Variants in KRT20 observed in about 807,000 individuals in gnomAD.
KRT20 encodes the protein keratin 20, also known as keratin, type I cytoskeletal 20.
Under a neutral mutation model 43.0 loss-of-function variants are expected in KRT20, and 41 were observed. That is an observed-to-expected ratio of 0.95 (90% CI 0.74 to 1.24). The LOEUF (loss-of-function observed/expected upper bound fraction) is 1.24. Ranked by LOEUF, KRT20 falls within the 50% of genes most tolerant of loss-of-function variation. KRT20 has a pLI of 0.00. For synonymous variants in KRT20, 207 were observed against 200.6 expected, an observed-to-expected ratio of 1.03 and a Z score of -0.27; for missense variants, 533 against 521.2, an observed-to-expected ratio of 1.02 and a Z score of -0.22.
intron 2 of KRT20, among the ~76,000 whole-genome samples, 157 bp from the exon 3 acceptor site, chr17:40,880,927 A>G (rs1016207954): frequency 7.9e-5 from 12 of 152,232 alleles, no homozygotes; most frequent in Non-Finnish European, 4.4e-5. Flanking sequence ...AAATTTACAT[A>G]AGAACCTAGG....
chr17:40,879,882 C>A lies in KRT20; in HGVS notation c.849G>T (p.Glu283Asp), dbSNP rs765279504. The A allele has an allele frequency of 6.2e-7, 1 of 1,613,476 alleles. No homozygotes were observed. ...TVNTEELKGT[E>D]VQLTELRRTS... ...TGCGTCTCAGCTCCGTTAGTTGAAC[C>A]TCAGTTCCTTTTAATTCTTCAGTAT... The change falls in exon 5 of 8, where the codon GAG becomes GAT. Residue 283 changes from glutamate (E) to aspartate (D), a missense_variant. Transcript: ENST00000167588.
chr17:40,884,025 C>A (rs1341962197), intron 1 of KRT20, among the ~76,000 whole-genome samples: 2 of 152,162 alleles, frequency 1.3e-5, no homozygotes, highest in African/African-American at 4.8e-5. Flanking sequence ...TAGATAAGAA[C>A]TTTAATTTGA....
Position 40,876,046 on chromosome 17 carries a change from A to AT in KRT20, c.*314dup. On this transcript the variant is annotated 3_prime_UTR_variant, in exon 8 of 8. Transcript: ENST00000167588. Reference sequence around the variant, plus strand: ...GAAATGTATTGCAATTTTCAGGAACATTACCTACAAATTGATATTAGGTGG... The same window carrying AT: ...GAAATGTATTGCAATTTTCAGGAACATTTACCTACAAATTGATATTAGGTGG... 4.5e-6 allele frequency: 1 copy of AT among 224,204 alleles called. No individual in the cohort carries two copies. The highest frequency in any genetic ancestry group is 8.7e-6 in the Non-Finnish European group (1 of 115,534). The allele number at this position is 224,204 out of a possible 1,614,324, so 13.9% of individuals were successfully genotyped here.
intron 1 of KRT20, 66 bp downstream of exon 1, chr17:40,884,730 A>G: frequency 6.5e-7 from 1 of 1,531,550 alleles, no homozygotes; most frequent in Non-Finnish European, 8.8e-7. Flanking sequence ...CCTACCTAAC[A>G]TAGATAACCT....
intron 2 of KRT20, among the ~76,000 whole-genome samples, chr17:40,881,222 A>T (rs1258860953): frequency 8.0e-6 from 1 of 125,596 alleles, no homozygotes; most frequent in Non-Finnish European, 1.6e-5. Flanking sequence ...AATCTTACAT[A>T]CACACTGTGT....
At chr17:40,884,673 A>G (rs1358569011) in intron 1 of KRT20, 123 bp downstream of exon 1, 1 of 1,093,512 alleles carries the variant, frequency 9.1e-7, no homozygotes, top group South Asian at 1.7e-5. Flanking sequence ...AAGAATTTTT[A>G]TAGATGTAAC....
At chr17:40,880,376 A>T in intron 3 of KRT20, 115 bp from the exon 4 acceptor site, 2 of 1,016,990 alleles carry the variant, frequency 2.0e-6, no homozygotes, top group Non-Finnish European at 2.8e-6. Flanking sequence ...AGTAAAAAAG[A>T]TATAAAATAA....
At chr17:40,878,808 C>CT (rs11395499) in intron 5 of KRT20, among the ~76,000 whole-genome samples, 98,786 of 147,212 alleles carry the variant, frequency 0.67, 34,332 homozygotes, top group East Asian at 0.99. Context: ...TTTTCTTTTT[C>CT]TTTTTTTTTT....
At chr17:40,880,063 C>A in intron 4 of KRT20, 37 bp downstream of exon 4, 1 of 1,600,140 alleles carries the variant, frequency 6.2e-7, no homozygotes, top group South Asian at 1.1e-5. Flanking sequence ...AGGAAAGCAT[C>A]TACACGTTTG....
In KRT20 at chr17:40,883,059, C is replaced by T. The variant is rs147909785; in HGVS notation, c.391-405G>A. Among the ~76,000 whole-genome samples the T allele has an allele frequency of 3.2e-4, 48 of 152,150 alleles. No homozygotes were observed. The East Asian group carries it at 5.4e-3, about 17-fold the overall frequency. ...GGAGTTTACAAGGATTTAGTTTATCCCCAGCTACAGTGACTATTATGTCAA... is the reference window on the plus strand; with the variant it reads ...GGAGTTTACAAGGATTTAGTTTATCTCCAGCTACAGTGACTATTATGTCAA... On this transcript the variant is annotated intron_variant, in intron 1 of 7. Coordinates refer to ENST00000167588, the MANE Select transcript of KRT20 (RefSeq NM_019010.3).
At chr17:40,879,731 G>T in intron 5 of KRT20, 82 bp downstream of exon 5, 2 of 1,472,698 alleles carry the variant, frequency 1.4e-6, no homozygotes, top group Non-Finnish European at 9.4e-7. Context: ...TTTCTTGTAG[G>T]TCTTTGCATT....
chr17:40,879,743 C>T, intron 5 of KRT20, 70 bp downstream of exon 5: 2 of 1,559,866 alleles, frequency 1.3e-6, no homozygotes, highest in South Asian at 1.1e-5. Flanking sequence ...CTTTGCATTT[C>T]TATAGTTCCT....
At chr17:40,877,259 G>A in intron 7 of KRT20, 121 bp downstream of exon 7, 1 of 700,850 alleles carries the variant, frequency 1.4e-6, no homozygotes, top group Non-Finnish European at 2.4e-6. Context: ...CCAGTCTCAG[G>A]TATTCTGTCA....
chr17:40,881,261 G>GTGTGTC (rs1491569813), intron 2 of KRT20, among the ~76,000 whole-genome samples: 7 of 143,880 alleles, frequency 4.9e-5, no homozygotes, highest in African/African-American at 1.8e-4. Flanking sequence ...GTGTGTGTGT[G>GTGTGTC]TATTTGAGAC....
chr17:40,876,430 T>G lies in KRT20; in HGVS notation c.1206A>C (p.Thr402=). The G allele has an allele frequency of 6.2e-7, 1 of 1,612,756 alleles. No homozygotes were observed. The highest frequency in any genetic ancestry group is 8.5e-7 in the Non-Finnish European group (1 of 1,178,870). Residue 402 remains threonine (T), a synonymous_variant, in exon 8 of 8, where the codon ACA becomes ACC. Transcript: ENST00000167588. ...RDIKKTRKIK[T]VVQEVVDGKV... ...TGCCATCCACTACTTCTTGCACGAC[T>G]GTCTTAATCTTCCTGGTTTTCTTTA...
chr17:40,877,474 G>A lies in KRT20; in HGVS notation c.1140-57C>T, dbSNP rs1907400061. 4 of 1,161,622 alleles carry A rather than the reference G, an allele frequency of 3.4e-6. No homozygotes were observed. The South Asian group carries it at 4.8e-5, about 14-fold the overall frequency. 72.0% of individuals were successfully genotyped at this position (1,161,622 alleles called of 1,614,324 possible). A position where few individuals can be genotyped will look rare whatever the true frequency, so the allele number is the denominator to read the frequency against. On this transcript the variant is annotated intron_variant, in intron 6 of 7. Transcript: ENST00000167588. ...AGAAACAGAAAAAAGCATTATTGCT[G>A]TTTTGAAAATGGAATGCACTCCTGT...
In KRT20 at chr17:40,878,054, T is replaced by C. The variant is rs890961537; in HGVS notation, c.1139+91A>G. 18 of 1,091,452 alleles carry C rather than the reference T, an allele frequency of 1.6e-5. No individual in the cohort carries two copies. The African/African-American group carries it at 2.5e-4, about 15-fold the overall frequency. The allele number at this position is 1,091,452 out of a possible 1,614,324, so 67.6% of individuals were successfully genotyped here. ...AGTATAATTGCTTCTGTCCTAGGGATTGCATTGGTGCTGGGTAATGAGTGA... is the reference window on the plus strand; with the variant it reads ...AGTATAATTGCTTCTGTCCTAGGGACTGCATTGGTGCTGGGTAATGAGTGA... On this transcript the variant is annotated intron_variant, in intron 6 of 7. Coordinates refer to ENST00000167588, the MANE Select transcript of KRT20 (RefSeq NM_019010.3).
intron 5 of KRT20, among the ~76,000 whole-genome samples, chr17:40,879,105 A>G (rs1174618057): frequency 6.6e-6 from 1 of 152,222 alleles, no homozygotes. Flanking sequence ...AGAGCTATCA[A>G]GTGGACCAAC....
Position 40,877,418 on chromosome 17 carries a change from C to CT in KRT20, c.1140-2dup. ...GGTGCTTAACTGATATTCTGTAGTT[C>CT]TGTTTTTTTTTTTAATGAAAAGAAG... On this transcript the variant is annotated splice_acceptor_variant, in intron 6 of 7. Coordinates refer to ENST00000167588, the MANE Select transcript of KRT20 (RefSeq NM_019010.3). LOFTEE classifies it high-confidence loss of function. The CT allele has an allele frequency of 2.0e-6, 3 of 1,469,442 alleles. No individual in the cohort carries two copies. Among genetic ancestry groups the CT allele is most frequent in the Non-Finnish European group, 2.7e-6 (3 of 1,108,330 alleles). The allele number at this position is 1,469,442 out of a possible 1,614,324, so 91.0% of individuals were successfully genotyped here.
Sources: gnomAD v4.1 joint callset for allele counts (sites outside exome capture counted in the v4.1 genomes callset) on GRCh38, gnomAD v4.1.1 for gene constraint, MANE v1.5 for transcripts, NCBI Gene and HGNC (gene_info 2026-07-23, HGNC 2026-07-21) for gene names.